Variants in PARD3B observed in about 807,000 individuals in gnomAD.
PARD3B encodes partitioning defective 3 homolog B.
Under a neutral mutation model 130.2 loss-of-function variants are expected in PARD3B, and 103 were observed. The ratio of observed to expected loss-of-function variants is 0.79; its 90% CI spans 0.67 to 0.93. The LOEUF (loss-of-function observed/expected upper bound fraction) is 0.93. Ranked by LOEUF, PARD3B falls within the 40% of genes least tolerant of loss-of-function variation. The pLI, the probability that PARD3B is intolerant of heterozygous loss-of-function variation, is 0.00. For missense variants in PARD3B, 1,609 were observed against 1,499.2 expected, an observed-to-expected ratio of 1.07 and a Z score of -1.21; for synonymous variants, 583 against 553.2, an observed-to-expected ratio of 1.05 and a Z score of -0.76.
chr2:204,848,961 G>A (rs369924105), intron 2 of PARD3B, among the ~76,000 whole-genome samples: 2 of 151,862 alleles, frequency 1.3e-5, no homozygotes, highest in African/African-American at 4.8e-5. Flanking sequence ...AATCTTTAAG[G>A]TCCTTTTTAA....
At chr2:205,336,881 T>C (rs849218) in intron 18 of PARD3B, among the ~76,000 whole-genome samples, 137,574 of 152,048 alleles carry the variant, frequency 0.9, 62,407 homozygotes, top group Admixed American at 0.94. Flanking sequence ...TCACTTTGCT[T>C]ATTAGCCATA....
At chr2:204,927,813 T>C (rs1687736017) in intron 2 of PARD3B, among the ~76,000 whole-genome samples, 1 of 151,492 alleles carries the variant, frequency 6.6e-6, no homozygotes, top group Admixed American at 6.6e-5. Flanking sequence ...TTTAGATAGA[T>C]AGCTACGTAG....
At chr2:205,227,615 C>CT (rs974383094) in intron 15 of PARD3B, among the ~76,000 whole-genome samples, 4 of 151,018 alleles carry the variant, frequency 2.6e-5, no homozygotes, top group African/African-American at 4.9e-5. Context: ...ATTATTGCAT[C>CT]TTTTTTTTTA....
At chr2:204,802,253 A>G (rs180962811) in intron 2 of PARD3B, among the ~76,000 whole-genome samples, 8 of 152,306 alleles carry the variant, frequency 5.3e-5, no homozygotes, top group East Asian at 1.9e-4. Context: ...CTCATCATCA[A>G]TGGTCATTAC....
chr2:205,185,786 A>G lies in PARD3B; in HGVS notation c.1947A>G (p.Gly649=), dbSNP rs755201188. 1.2e-6 allele frequency: 2 copies of G among 1,613,980 alleles called. No individual in the cohort carries two copies. Among genetic ancestry groups the G allele is most frequent in the South Asian group, 2.2e-5 (2 of 91,074 alleles). Residue 649 remains glycine (G), a synonymous_variant, in exon 14 of 23, where the codon GGA becomes GGG. Coordinates refer to ENST00000406610, the MANE Select transcript of PARD3B (RefSeq NM_001302769.2). ...TAGGTCTATTGCTGCCCAATGACGG[A>G]TGGGCCGAGAGTGAAGTTCCACCTT... is the stretch of plus-strand genomic sequence containing the variant. ...KQKGLLLPND[G]WAESEVPPSP... is the part of the protein sequence containing the mutation.
At chr2:205,380,948 T>TATAAATAATATATATA in intron 18 of PARD3B, among the ~76,000 whole-genome samples, 1 of 64,530 alleles carries the variant, frequency 1.5e-5, no homozygotes, top group Non-Finnish European at 2.6e-5. Flanking sequence ...ATATATAATA[T>TATAAATAATATATATA]ATAATGTATA....
intron 2 of PARD3B, among the ~76,000 whole-genome samples, chr2:204,962,344 A>G (rs1325746900): frequency 6.6e-6 from 1 of 152,140 alleles, no homozygotes; most frequent in Non-Finnish European, 1.5e-5. Flanking sequence ...GGGTTACTGC[A>G]GCCCCTGAGG....
At chr2:205,478,137 A>G (rs2049090933) in intron 20 of PARD3B, among the ~76,000 whole-genome samples, 1 of 152,214 alleles carries the variant, frequency 6.6e-6, no homozygotes, top group Admixed American at 6.5e-5. Context: ...ATTCACGTGC[A>G]ATGAATGGTG....
chr2:204,691,511 T>TA (rs2037351135), intron 2 of PARD3B, among the ~76,000 whole-genome samples: 1 of 152,118 alleles, frequency 6.6e-6, no homozygotes, highest in Non-Finnish European at 1.5e-5. Context: ...TTATCTCCTA[T>TA]TAGTTATCAG....
At chr2:205,299,562 T>TATATATATATATATATATATATA (rs1403850769) in intron 16 of PARD3B, among the ~76,000 whole-genome samples, 9 of 4,030 alleles carry the variant, frequency 2.2e-3, no homozygotes, top group Middle Eastern at 0.17. Flanking sequence ...TATTATATAT[T>TATATATATATATATATATATATA]ATATATATAT....
At chr2:204,765,813 T>A (rs916069165) in intron 2 of PARD3B, among the ~76,000 whole-genome samples, 3 of 152,174 alleles carry the variant, frequency 2.0e-5, no homozygotes, top group Non-Finnish European at 4.4e-5. Flanking sequence ...AGAAGATGCC[T>A]GACAAGGACA....
At chr2:205,501,875 A>T (rs2050170534) in intron 21 of PARD3B, among the ~76,000 whole-genome samples, 1 of 152,122 alleles carries the variant, frequency 6.6e-6, no homozygotes, top group African/African-American at 2.4e-5. Context: ...GTAAACGTGT[A>T]ACCAGACCAT....
chr2:205,115,223 CCCTT>C (rs1294925799), intron 6 of PARD3B, among the ~76,000 whole-genome samples: 2 of 152,098 alleles, frequency 1.3e-5, no homozygotes, highest in East Asian at 1.9e-4. Flanking sequence ...TTGATTTCCT[CCCTT>C]CCTTTTCCTG....
intron 1 of PARD3B, among the ~76,000 whole-genome samples, chr2:204,582,552 G>A (rs888849355): frequency 2.0e-5 from 3 of 152,080 alleles, no homozygotes; most frequent in Non-Finnish European, 4.4e-5. Context: ...AACTTCTTAG[G>A]TTTCTCTTCC....
intron 2 of PARD3B, among the ~76,000 whole-genome samples, chr2:204,739,499 G>A (rs2039904523): frequency 6.6e-6 from 1 of 152,008 alleles, no homozygotes; most frequent in Non-Finnish European, 1.5e-5. Flanking sequence ...CTGTTGCCTA[G>A]GCTGGAGCGC....
intron 15 of PARD3B, among the ~76,000 whole-genome samples, chr2:205,236,935 A>G (rs940957495): frequency 7.6e-4 from 116 of 152,280 alleles, no homozygotes; most frequent in African/African-American, 2.8e-3. Context: ...AAAGAAGTGC[A>G]AGAGAATTAT....
intron 16 of PARD3B, among the ~76,000 whole-genome samples, chr2:205,271,207 C>G (rs1035577225): frequency 6.6e-6 from 1 of 152,120 alleles, no homozygotes; most frequent in Non-Finnish European, 1.5e-5. Context: ...ATTTCAGAAG[C>G]TAGGCTTTGT....
At chr2:204,974,179 A>G (rs1185040726) in intron 3 of PARD3B, among the ~76,000 whole-genome samples, 5 of 152,196 alleles carry the variant, frequency 3.3e-5, no homozygotes, top group African/African-American at 9.7e-5. Flanking sequence ...ATCTTTACAG[A>G]TGGAAGAAAT....
intron 1 of PARD3B, among the ~76,000 whole-genome samples, chr2:204,632,072 G>C (rs528359360): frequency 1.3e-5 from 2 of 152,162 alleles, no homozygotes; most frequent in East Asian, 3.9e-4. Context: ...GAGGTGACTG[G>C]ATCATGGGGG....
Sources: allele counts gnomAD v4.1 joint callset (sites outside exome capture counted in the v4.1 genomes callset), GRCh38; gene constraint gnomAD v4.1.1; transcripts MANE v1.5; gene names NCBI Gene and HGNC (gene_info 2026-07-23, HGNC 2026-07-21).